Variants in SIMC1 observed in about 807,000 individuals in gnomAD.
SIMC1 encodes SUMO interacting motifs containing 1.
Under a neutral mutation model 82.3 loss-of-function variants are expected in SIMC1, and 55 were observed. That is an observed-to-expected ratio of 0.67 (90% CI 0.54 to 0.84). The LOEUF (loss-of-function observed/expected upper bound fraction) is 0.84, where lower values mean the gene tolerates loss of function less well. SIMC1 is among the 40% of genes least tolerant of loss of function. SIMC1 has a pLI of 0.00. For synonymous variants in SIMC1, 353 were observed against 426.3 expected, an observed-to-expected ratio of 0.83 and a Z score of 2.12; for missense variants, 915 against 1,107.2, an observed-to-expected ratio of 0.83 and a Z score of 2.46.
At position 176,285,738 on chromosome 5, in the gene SIMC1, C is replaced by T. The variant is rs202054370; in HGVS notation, c.130-3916C>T. Among the ~76,000 whole-genome samples, 81 of 152,116 alleles carry T rather than the reference C, an allele frequency of 5.3e-4. 2 individuals are homozygous for T. In the East Asian group the frequency reaches 0.014, roughly 27 times the overall value. On this transcript the variant is annotated intron_variant, in intron 1 of 9. Coordinates refer to ENST00000429602, the MANE Select transcript of SIMC1 (RefSeq NM_001308195.2). ...TGACATGATTGTATATTTAGAAAACCCCATCGTCTCAGCCCAAAATCTCCT... is the reference window on the plus strand; with the variant it reads ...TGACATGATTGTATATTTAGAAAACTCCATCGTCTCAGCCCAAAATCTCCT...
intron 9 of SIMC1, among the ~76,000 whole-genome samples, chr5:176,341,265 T>C (rs562499206): frequency 3.5e-4 from 54 of 152,340 alleles, no homozygotes; most frequent in African/African-American, 1.2e-3. Context: ...AGATGCTTAG[T>C]GAGTCCAAGG....
chr5:176,305,102 C>CCAGG (rs1764249328), intron 4 of SIMC1, among the ~76,000 whole-genome samples: 1 of 146,572 alleles, frequency 6.8e-6, no homozygotes, highest in African/African-American at 2.5e-5. Context: ...GGTGGGGGGT[C>CCAGG]AGCCCCGACG....
intron 7 of SIMC1, among the ~76,000 whole-genome samples, chr5:176,336,512 G>A (rs144171159): frequency 6.1e-4 from 93 of 152,296 alleles, no homozygotes; most frequent in Non-Finnish European, 1.1e-3. Flanking sequence ...TGTCAAATGT[G>A]AAAGACTTTT....
intron 1 of SIMC1, among the ~76,000 whole-genome samples, chr5:176,280,914 A>G (rs368490819): frequency 1.3e-5 from 2 of 151,908 alleles, no homozygotes; most frequent in Non-Finnish European, 2.9e-5. Flanking sequence ...GTGTCTTGGA[A>G]TTGCTCTTCT....
rs765430220 is a variant in SIMC1 at position 176,289,652 on chromosome 5, A to G, written c.130-2A>G. The stretch of plus-strand genomic sequence containing the variant: ...TCTTTTCTTCACACAATCCTTCAAC[A>G]GGACTTCATTGACTTAACTAGAGAG... On this transcript the variant is annotated splice_acceptor_variant, in intron 1 of 9. Transcript: ENST00000429602. LOFTEE classifies it high-confidence loss of function. 2 of 1,580,546 alleles carry G rather than the reference A, an allele frequency of 1.3e-6. No individual in the cohort carries two copies. Among genetic ancestry groups the G allele is most frequent in the Non-Finnish European group, 1.7e-6 (2 of 1,163,212 alleles).
intron 7 of SIMC1, among the ~76,000 whole-genome samples, chr5:176,328,460 T>C (rs529909769): frequency 6.6e-6 from 1 of 151,930 alleles, no homozygotes; most frequent in Admixed American, 6.6e-5. Context: ...GGTAAACACT[T>C]CCCTGAGTAT....
At chr5:176,335,424 A>T (rs552242297) in intron 7 of SIMC1, among the ~76,000 whole-genome samples, 296 of 151,358 alleles carry the variant, frequency 2.0e-3, no homozygotes, top group African/African-American at 6.9e-3. Flanking sequence ...CTACAGGTGC[A>T]CACCACCACG....
chr5:176,283,452 T>A (rs1763109789), intron 1 of SIMC1, among the ~76,000 whole-genome samples: 1 of 152,046 alleles, frequency 6.6e-6, no homozygotes, highest in South Asian at 2.1e-4. Flanking sequence ...AGAAATAAAA[T>A]CCTTTACAGA....
intron 1 of SIMC1, among the ~76,000 whole-genome samples, chr5:176,252,141 C>G (rs1265327261): frequency 6.6e-6 from 1 of 152,130 alleles, no homozygotes; most frequent in Non-Finnish European, 1.5e-5. Context: ...GGGCTCCTCA[C>G]TTCCCAGTAG....
chr5:176,258,461 T>A (rs547800266), intron 1 of SIMC1, among the ~76,000 whole-genome samples: 2 of 150,330 alleles, frequency 1.3e-5, no homozygotes, highest in East Asian at 3.9e-4. Context: ...GAACATCAGG[T>A]GGGGATGGTA....
At chr5:176,305,706 TG>T (rs1191604531) in intron 4 of SIMC1, among the ~76,000 whole-genome samples, 2 of 53,296 alleles carry the variant, frequency 3.8e-5, no homozygotes, top group Non-Finnish European at 7.8e-5. Flanking sequence ...GGGAGGGAGG[TG>T]GGGGGGTCAG....
intron 9 of SIMC1, among the ~76,000 whole-genome samples, chr5:176,338,507 T>A (rs1020852822): frequency 6.6e-6 from 1 of 152,140 alleles, no homozygotes; most frequent in African/African-American, 2.4e-5. Flanking sequence ...TTTAGTAGAT[T>A]AGATAACATT....
intron 4 of SIMC1, among the ~76,000 whole-genome samples, chr5:176,300,983 G>T (rs1764017730): frequency 6.6e-6 from 1 of 152,110 alleles, no homozygotes; most frequent in African/African-American, 2.4e-5. Context: ...CTAGAACAAG[G>T]TGGCTTCACT....
chr5:176,313,525 A>G, intron 4 of SIMC1, 166 bp from the exon 5 acceptor site: 2 of 1,555,040 alleles, frequency 1.3e-6, no homozygotes, highest in Middle Eastern at 1.7e-4. Flanking sequence ...GTCCTCTCTC[A>G]TAATGACCCA....
intron 1 of SIMC1, among the ~76,000 whole-genome samples, chr5:176,261,344 T>C (rs1762009393): frequency 6.6e-6 from 1 of 152,326 alleles, no homozygotes; most frequent in South Asian, 2.1e-4. Flanking sequence ...AATCATCTTA[T>C]CTGTTACTTT....
At chr5:176,342,905 C>T (rs1422689998) in intron 9 of SIMC1, among the ~76,000 whole-genome samples, 1 of 152,142 alleles carries the variant, frequency 6.6e-6, no homozygotes, top group African/African-American at 2.4e-5. Context: ...AGGACTGGGC[C>T]CAAGGCTCTA....
chr5:176,280,046 G>A (rs1462843187), intron 1 of SIMC1, among the ~76,000 whole-genome samples: 8 of 152,080 alleles, frequency 5.3e-5, no homozygotes, highest in African/African-American at 1.9e-4. Context: ...TTTCTGTCTT[G>A]TTGATCTGTC....
chr5:176,306,922 A>T (rs2335421), intron 4 of SIMC1, among the ~76,000 whole-genome samples: 2,670 of 85,798 alleles, frequency 0.031, 39 homozygotes, highest in Middle Eastern at 0.059. Flanking sequence ...AAAATAAATT[A>T]AAAAAAAAAA....
At chr5:176,276,341 C>A (rs578184820) in intron 1 of SIMC1, among the ~76,000 whole-genome samples, 1 of 151,224 alleles carries the variant, frequency 6.6e-6, no homozygotes, top group East Asian at 1.9e-4. Flanking sequence ...TTTTTTATTG[C>A]GACTGTTTGA....
Sources: allele counts gnomAD v4.1 joint callset (sites outside exome capture counted in the v4.1 genomes callset), GRCh38; gene constraint gnomAD v4.1.1; transcripts MANE v1.5; gene names NCBI Gene and HGNC (gene_info 2026-07-23, HGNC 2026-07-21).